TMCC1: variants seen among roughly 807,000 people sequenced by gnomAD.
TMCC1 encodes the protein transmembrane and coiled-coil domains protein 1.
Under a neutral mutation model 52.4 loss-of-function variants are expected in TMCC1, and 15 were observed. The ratio of observed to expected loss-of-function variants is 0.29; its 90% CI spans 0.19 to 0.44. The LOEUF is 0.44. TMCC1 is among the 20% of genes least tolerant of loss of function. TMCC1 has a pLI of 1.00. For missense variants in TMCC1, 503 were observed against 806.0 expected (o/e 0.62, Z 4.55); for synonymous variants, 279 against 301.9 (o/e 0.92, Z 0.79).
chr3:129,696,121 G>A (rs2047400966), intron 4 of TMCC1, among the ~76,000 whole-genome samples: 1 of 152,198 alleles, frequency 6.6e-6, no homozygotes, highest in African/African-American at 2.4e-5. Flanking sequence ...ATCCTGAAGA[G>A]ATTAACTGAG....
At chr3:129,718,594 T>G (rs562602550) in intron 4 of TMCC1, among the ~76,000 whole-genome samples, 12 of 152,300 alleles carry the variant, frequency 7.9e-5, no homozygotes, top group Non-Finnish European at 1.5e-4. Context: ...CAAGAAAAAG[T>G]TGATTGCTTG....
chr3:129,697,972 C>T (rs921571692), intron 4 of TMCC1, among the ~76,000 whole-genome samples: 1 of 152,144 alleles, frequency 6.6e-6, no homozygotes, highest in Non-Finnish European at 1.5e-5. Flanking sequence ...CTAGGAAGTT[C>T]CAAACTTTTC....
chr3:129,886,885 C>T (rs959518597), intron 1 of TMCC1, among the ~76,000 whole-genome samples: 2 of 151,344 alleles, frequency 1.3e-5, no homozygotes, highest in East Asian at 1.9e-4. Context: ...TGCAGTGAGC[C>T]GAGATCACAC....
At chr3:129,845,190 TCACACACACA>T (rs67832332) in intron 2 of TMCC1, among the ~76,000 whole-genome samples, 8 of 148,978 alleles carry the variant, frequency 5.4e-5, no homozygotes, top group Non-Finnish European at 8.9e-5. Flanking sequence ...CCTGTCACAC[TCACACACACA>T]CACACACACA....
intron 1 of TMCC1, among the ~76,000 whole-genome samples, chr3:129,891,824 C>T (rs1449950444): frequency 6.6e-6 from 1 of 152,142 alleles, no homozygotes; most frequent in African/African-American, 2.4e-5. Flanking sequence ...AAGCCCTGAG[C>T]CATTATATGT....
chr3:129,848,144 T>C (rs1246683783), intron 2 of TMCC1, among the ~76,000 whole-genome samples: 1 of 152,212 alleles, frequency 6.6e-6, no homozygotes, highest in African/African-American at 2.4e-5. Flanking sequence ...TTTCAAAGAT[T>C]AAAAGTTTTT....
At chr3:129,706,298 G>T (rs923487437) in intron 4 of TMCC1, among the ~76,000 whole-genome samples, 3 of 150,500 alleles carry the variant, frequency 2.0e-5, no homozygotes, top group Non-Finnish European at 4.4e-5. Flanking sequence ...CCGCCTCCTG[G>T]GTTCTCAAGT....
chr3:129,837,092 T>C (rs1329176334), intron 2 of TMCC1, among the ~76,000 whole-genome samples: 1 of 152,072 alleles, frequency 6.6e-6, no homozygotes, highest in Non-Finnish European at 1.5e-5. Context: ...AAAACAGCAA[T>C]AGCCTTAAAT....
At chr3:129,887,141 C>A (rs1560624469) in intron 1 of TMCC1, among the ~76,000 whole-genome samples, 2 of 151,820 alleles carry the variant, frequency 1.3e-5, no homozygotes, top group African/African-American at 4.8e-5. Flanking sequence ...GGTGGCTGCA[C>A]ATGTTACACT....
chr3:129,729,875 TGAGATGGGAGGAATATTGAGCG>T (rs2050405412), intron 4 of TMCC1, among the ~76,000 whole-genome samples: 1 of 151,950 alleles, frequency 6.6e-6, no homozygotes, highest in South Asian at 2.1e-4. Context: ...TTTAGGAGGC[TGAGATGGGAGGAATATTGAGCG>T]GAGATGGGAG....
chr3:129,736,666 C>T lies in TMCC1; in HGVS notation c.577-65402G>A, dbSNP rs188774577. 2.7e-3 allele frequency among the ~76,000 whole-genome samples: 411 copies of T among 151,786 alleles called. 1 individual carries two copies. The highest frequency in any genetic ancestry group is 9.4e-3 in the African/African-American group (391 of 41,378). ...CCTCCTGAGTAGCTGGGATCACAGG[C>T]GCCCGCCACCACGCCCAGCTAATTT... is the stretch of plus-strand genomic sequence containing the variant. On this transcript the variant is annotated intron_variant, in intron 4 of 6. Coordinates refer to ENST00000393238, the MANE Select transcript of TMCC1 (RefSeq NM_001017395.5).
At position 129,811,948 on chromosome 3, in the gene TMCC1, T is replaced by A. The variant is rs1303953479; in HGVS notation, c.576+15855A>T. 1.7e-4 allele frequency among the ~76,000 whole-genome samples: 23 copies of A among 132,254 alleles called. No homozygotes were observed. The East Asian group carries it at 3.1e-3, about 18-fold the overall frequency. The allele number at this position is 132,254 out of a possible 152,430, so 86.8% of individuals were successfully genotyped here. On this transcript the variant is annotated intron_variant, in intron 4 of 6. Coordinates refer to ENST00000393238, the MANE Select transcript of TMCC1 (RefSeq NM_001017395.5). ...GACAGAGCAAGACTCTGCCTCAATT[T>A]AAAAAAAAAAAAAAGAAAGAAAGAA...
intron 4 of TMCC1, among the ~76,000 whole-genome samples, chr3:129,762,742 A>G (rs564331971): frequency 9.2e-5 from 14 of 152,154 alleles, no homozygotes; most frequent in African/African-American, 3.4e-4. Context: ...TGATCATACC[A>G]CTGCTTTGCA....
chr3:129,882,747 A>C (rs1277403227), intron 1 of TMCC1, among the ~76,000 whole-genome samples: 5 of 152,248 alleles, frequency 3.3e-5, no homozygotes, highest in Non-Finnish European at 7.3e-5. Context: ...TCAGGACATT[A>C]TATTAAGTGA....
intron 4 of TMCC1, among the ~76,000 whole-genome samples, chr3:129,682,356 T>A (rs1484183280): frequency 6.6e-6 from 1 of 152,132 alleles, no homozygotes; most frequent in Non-Finnish European, 1.5e-5. Context: ...AACTACAAAT[T>A]GTTTTCAAAT....
At chr3:129,745,796 T>C (rs960934776) in intron 4 of TMCC1, among the ~76,000 whole-genome samples, 1 of 151,658 alleles carries the variant, frequency 6.6e-6, no homozygotes, top group Non-Finnish European at 1.5e-5. Flanking sequence ...ACCCCGTCTC[T>C]ACTAAAAATA....
At chr3:129,671,371 A>G (rs191159984) in intron 4 of TMCC1, 107 bp from the exon 5 acceptor site, 5 of 1,177,974 alleles carry the variant, frequency 4.2e-6, no homozygotes, top group Non-Finnish European at 5.8e-6. Flanking sequence ...ATCTCAGTAG[A>G]TAACTGACCT....
At chr3:129,710,344 G>A (rs985061019) in intron 4 of TMCC1, among the ~76,000 whole-genome samples, 3 of 152,124 alleles carry the variant, frequency 2.0e-5, no homozygotes, top group African/African-American at 7.2e-5. Flanking sequence ...TTTTGAGATG[G>A]GGGAATAGGG....
intron 2 of TMCC1, among the ~76,000 whole-genome samples, chr3:129,861,212 G>A (rs983364924): frequency 4.5e-4 from 69 of 152,184 alleles, no homozygotes; most frequent in African/African-American, 1.5e-3. Flanking sequence ...AGGCCGAGGC[G>A]GGCGGATCAT....
Sources: gnomAD v4.1 joint callset for allele counts (sites outside exome capture counted in the v4.1 genomes callset) on GRCh38, gnomAD v4.1.1 for gene constraint, MANE v1.5 for transcripts, NCBI Gene and HGNC (gene_info 2026-07-23, HGNC 2026-07-21) for gene names.